Variants in R3HDM2 observed in about 807,000 individuals in gnomAD.
R3HDM2 encodes R3H domain containing 2, also known as R3H domain-containing protein 2.
A neutral mutation model predicts 124.5 loss-of-function variants in R3HDM2; 38 were observed. The observed-to-expected ratio is 0.31, with a 90% CI of 0.24 to 0.40. The LOEUF is 0.40. Among genes scored for constraint, R3HDM2 ranks in the 10% least tolerant of loss-of-function variants. R3HDM2 has a pLI of 1.00. For missense variants in R3HDM2, 869 were observed against 1,236.9 expected (o/e 0.70, Z 4.46); for synonymous variants, 391 against 448.0 (o/e 0.87, Z 1.61).
At chr12:57,369,986 A>G (rs1266381345) in intron 2 of R3HDM2, among the ~76,000 whole-genome samples, 1 of 152,228 alleles carries the variant, frequency 6.6e-6, no homozygotes, top group Non-Finnish European at 1.5e-5. Flanking sequence ...TAAGAATTTG[A>G]TAGCCTAAAT....
intron 17 of R3HDM2, 95 bp downstream of exon 17, chr12:57,268,827 A>T: frequency 7.2e-7 from 1 of 1,397,682 alleles, no homozygotes; most frequent in Non-Finnish European, 9.7e-7. Context: ...ACACTATTTT[A>T]GTATTGGAGT....
chr12:57,317,975 G>A (rs1272308203), intron 2 of R3HDM2, among the ~76,000 whole-genome samples: 7 of 129,268 alleles, frequency 5.4e-5, no homozygotes, highest in Admixed American at 1.7e-4. Flanking sequence ...GCGAGACTCC[G>A]TCCCCGCCCC....
chr12:57,381,603 A>C (rs558245548), intron 2 of R3HDM2, among the ~76,000 whole-genome samples: 89 of 151,954 alleles, frequency 5.9e-4, no homozygotes, highest in Non-Finnish European at 9.9e-4. Context: ...TAAAATTCAG[A>C]TGTATCTCTA....
intron 2 of R3HDM2, among the ~76,000 whole-genome samples, chr12:57,315,388 G>A (rs2054802715): frequency 1.3e-5 from 2 of 152,086 alleles, no homozygotes; most frequent in Admixed American, 1.3e-4. Context: ...TGTTGCCCAG[G>A]CTGGTCTCAA....
intron 2 of R3HDM2, among the ~76,000 whole-genome samples, chr12:57,323,772 C>G (rs1054479318): frequency 2.6e-5 from 4 of 152,108 alleles, no homozygotes; most frequent in African/African-American, 9.7e-5. Flanking sequence ...TTTTTGTCAG[C>G]CTCTCTACAT....
chr12:57,347,795 G>A (rs1233041855), intron 2 of R3HDM2, among the ~76,000 whole-genome samples: 2 of 151,808 alleles, frequency 1.3e-5, no homozygotes, highest in Non-Finnish European at 2.9e-5. Context: ...ACTAAAAAGA[G>A]GAGAACAAAA....
At chr12:57,316,168 T>C (rs533616083) in intron 2 of R3HDM2, among the ~76,000 whole-genome samples, 55 of 152,284 alleles carry the variant, frequency 3.6e-4, no homozygotes, top group African/African-American at 1.3e-3. Flanking sequence ...AAATAATTCT[T>C]ACACTGAGAA....
intron 3 of R3HDM2, among the ~76,000 whole-genome samples, chr12:57,306,349 T>C (rs2052563131): frequency 6.6e-6 from 1 of 152,080 alleles, no homozygotes; most frequent in South Asian, 2.1e-4. Flanking sequence ...ATATGGTACA[T>C]TTATCAAAAA....
intron 13 of R3HDM2, among the ~76,000 whole-genome samples, chr12:57,282,894 G>A (rs2046507077): frequency 6.6e-6 from 1 of 152,204 alleles, no homozygotes; most frequent in Non-Finnish European, 1.5e-5. Context: ...TGAGATTCAA[G>A]CAACTCTTCA....
At chr12:57,390,667 A>G (rs1486268896) in intron 2 of R3HDM2, among the ~76,000 whole-genome samples, 1 of 152,098 alleles carries the variant, frequency 6.6e-6, no homozygotes, top group African/African-American at 2.4e-5. Flanking sequence ...GCTGCCCTCC[A>G]GCCTTGATGA....
At chr12:57,377,816 A>G (rs919384243) in intron 2 of R3HDM2, among the ~76,000 whole-genome samples, 24 of 152,114 alleles carry the variant, frequency 1.6e-4, no homozygotes, top group South Asian at 4.1e-4. Context: ...GGCCAGGGGC[A>G]GTGGCTCACA....
At chr12:57,257,922 T>C (rs1263604594) in intron 21 of R3HDM2, 68 bp downstream of exon 21, 5 of 1,371,266 alleles carry the variant, frequency 3.6e-6, no homozygotes, top group Non-Finnish European at 4.8e-6. Flanking sequence ...ACTCTTTCAA[T>C]CTCTGCAATT....
intron 2 of R3HDM2, among the ~76,000 whole-genome samples, 181 bp from the exon 3 acceptor site, chr12:57,310,644 A>G (rs942883846): frequency 2.0e-5 from 3 of 152,182 alleles, no homozygotes; most frequent in African/African-American, 7.2e-5. Context: ...TATTGAGGTA[A>G]AATTGACATA....
intron 2 of R3HDM2, among the ~76,000 whole-genome samples, chr12:57,380,350 A>G (rs2064681311): frequency 6.6e-6 from 1 of 152,230 alleles, no homozygotes; most frequent in Non-Finnish European, 1.5e-5. Flanking sequence ...ATTCAGAATC[A>G]AATCTATTCT....
intron 12 of R3HDM2, 34 bp downstream of exon 12, chr12:57,288,975 A>G (rs1366174650): frequency 6.5e-6 from 10 of 1,547,056 alleles, no homozygotes; most frequent in African/African-American, 1.4e-5. Context: ...GCAAAGCTCA[A>G]TGAGAAGCAG....
chr12:57,429,222 AC>A (rs761521352), intron 1 of R3HDM2, among the ~76,000 whole-genome samples: 1 of 151,580 alleles, frequency 6.6e-6, no homozygotes, highest in Non-Finnish European at 1.5e-5. Context: ...TCCCATCCCT[AC>A]GAAAAAAAAA....
chr12:57,291,256 G>A (rs2048520841), intron 11 of R3HDM2, among the ~76,000 whole-genome samples: 1 of 151,858 alleles, frequency 6.6e-6, no homozygotes, highest in African/African-American at 2.4e-5. Context: ...AACTAATGAT[G>A]ATGATGAAAA....
chr12:57,429,113 C>A (rs1399546210), intron 1 of R3HDM2, among the ~76,000 whole-genome samples: 1 of 152,144 alleles, frequency 6.6e-6, no homozygotes, highest in Non-Finnish European at 1.5e-5. Flanking sequence ...CTGCCAAGAG[C>A]AATGGCTCAC....
intron 2 of R3HDM2, among the ~76,000 whole-genome samples, chr12:57,378,168 T>G (rs1169107792): frequency 1.3e-5 from 2 of 152,186 alleles, no homozygotes; most frequent in South Asian, 4.1e-4. Flanking sequence ...AAAGTAATTT[T>G]GCAGGGTGTC....
Sources: allele counts gnomAD v4.1 joint callset (sites outside exome capture counted in the v4.1 genomes callset), GRCh38; gene constraint gnomAD v4.1.1; transcripts MANE v1.5; gene names NCBI Gene and HGNC (gene_info 2026-07-23, HGNC 2026-07-21).